Variants in NALCN observed in about 807,000 individuals in gnomAD.
The protein encoded by NALCN is sodium leak channel, non-selective.
Under a neutral mutation model 225.3 loss-of-function variants are expected in NALCN, and 111 were observed. The observed-to-expected ratio is 0.49, with a 90% CI of 0.42 to 0.58. NALCN has a LOEUF of 0.58. Ranked by LOEUF, NALCN falls within the 20% of genes least tolerant of loss-of-function variation. The pLI is 0.00. For missense variants in NALCN, 1,378 were observed against 2,202.4 expected (o/e 0.63, Z 7.49); for synonymous variants, 764 against 769.0 (o/e 0.99, Z 0.11).
intron 25 of NALCN, 92 bp from the exon 26 acceptor site, chr13:101,103,431 A>C (rs1192150221): frequency 4.2e-6 from 6 of 1,424,242 alleles, no homozygotes; most frequent in Non-Finnish European, 5.7e-6. Context: ...CTTTTCATTT[A>C]GCAGAGATTC....
At chr13:101,244,663 A>G (rs1233083199) in intron 11 of NALCN, among the ~76,000 whole-genome samples, 1 of 152,218 alleles carries the variant, frequency 6.6e-6, no homozygotes, top group East Asian at 1.9e-4. Flanking sequence ...ACTTAACTTG[A>G]AGGTATGGGT....
At chr13:101,405,282 A>G (rs1038778724) in intron 1 of NALCN, among the ~76,000 whole-genome samples, 2 of 152,242 alleles carry the variant, frequency 1.3e-5, no homozygotes, top group Non-Finnish European at 2.9e-5. Flanking sequence ...CTTCTCAGAC[A>G]GAAGACATGT....
chr13:101,322,735 C>T (rs1326161236), intron 7 of NALCN, among the ~76,000 whole-genome samples: 1 of 151,898 alleles, frequency 6.6e-6, no homozygotes, highest in Non-Finnish European at 1.5e-5. Context: ...TTTTTTGAGA[C>T]AGAGTCTCAC....
At chr13:101,295,665 A>C (rs926097560) in intron 7 of NALCN, among the ~76,000 whole-genome samples, 1 of 152,188 alleles carries the variant, frequency 6.6e-6, no homozygotes. Flanking sequence ...TGACACAAAG[A>C]GGTGAGACAT....
At chr13:101,139,753 G>A (rs2036976423) in intron 17 of NALCN, among the ~76,000 whole-genome samples, 1 of 152,132 alleles carries the variant, frequency 6.6e-6, no homozygotes, top group African/African-American at 2.4e-5. Context: ...GGTCTGTGAC[G>A]GGGATTTTTG....
intron 26 of NALCN, among the ~76,000 whole-genome samples, chr13:101,102,228 A>G (rs2034857090): frequency 6.6e-6 from 1 of 152,030 alleles, no homozygotes; most frequent in South Asian, 2.1e-4. Context: ...AGTTGCAGTG[A>G]GCTGAGATTG....
intron 7 of NALCN, among the ~76,000 whole-genome samples, chr13:101,304,187 C>T (rs1566553454): frequency 1.3e-5 from 2 of 151,802 alleles, no homozygotes; most frequent in Non-Finnish European, 2.9e-5. Flanking sequence ...AGTTTTTGTA[C>T]TTTAATTTTA....
rs1459406033 is a variant in NALCN at position 101,395,313 on chromosome 13, C to G, written c.161G>C (p.Cys54Ser). 1.9e-6 allele frequency: 3 copies of G among 1,614,038 alleles called. No homozygotes were observed. The Admixed American group carries it at 5.0e-5, about 27-fold the overall frequency. The change falls in exon 3 of 44, where the codon TGT becomes TCT. Residue 54 changes from cysteine to serine, a missense_variant. By Grantham distance (112) the Cys-to-Ser change is moderately radical. Coordinates refer to ENST00000251127, the MANE Select transcript of NALCN (RefSeq NM_052867.4). ...ICAIISVISV[C>S]MNTPMTFEHY... ...CTCGAAGGTCATTGGCGTATTCATA[C>G]AAACAGAAATGACGCTGATGATGGC...
chr13:101,119,095 G>C (rs2035850626), intron 18 of NALCN, among the ~76,000 whole-genome samples: 1 of 152,144 alleles, frequency 6.6e-6, no homozygotes, highest in Admixed American at 6.5e-5. Context: ...ACACTACAGA[G>C]ATATTTCTCG....
At chr13:101,094,128 C>T (rs1247990737) in intron 28 of NALCN, among the ~76,000 whole-genome samples, 5 of 152,334 alleles carry the variant, frequency 3.3e-5, no homozygotes, top group Admixed American at 1.3e-4. Flanking sequence ...AACACACCTA[C>T]GGACCCTTTG....
chr13:101,113,165 C>T (rs769358539), intron 18 of NALCN, among the ~76,000 whole-genome samples: 11 of 152,098 alleles, frequency 7.2e-5, no homozygotes, highest in Non-Finnish European at 1.2e-4. Flanking sequence ...ATATGTCTAA[C>T]GAGAACATTC....
chr13:101,199,886 G>C (rs978651814), intron 13 of NALCN, among the ~76,000 whole-genome samples: 2 of 152,080 alleles, frequency 1.3e-5, no homozygotes, highest in Non-Finnish European at 2.9e-5. Context: ...GTCACCAAAA[G>C]AGCCAGAGCA....
chr13:101,086,160 C>T (rs967237995), intron 30 of NALCN, among the ~76,000 whole-genome samples: 1 of 151,978 alleles, frequency 6.6e-6, no homozygotes, highest in East Asian at 1.9e-4. Flanking sequence ...AGAAGCTATA[C>T]AAGTTTCCTT....
chr13:101,173,394 C>T (rs530512732), intron 15 of NALCN, among the ~76,000 whole-genome samples: 2 of 152,180 alleles, frequency 1.3e-5, no homozygotes, highest in South Asian at 2.1e-4. Flanking sequence ...TGTGGGCTTT[C>T]GGTCCAAATT....
chr13:101,072,890 G>C (rs957139825), intron 37 of NALCN, among the ~76,000 whole-genome samples: 2 of 152,152 alleles, frequency 1.3e-5, no homozygotes, highest in Non-Finnish European at 2.9e-5. Context: ...AGTGGCTCCC[G>C]AATTGGACAG....
At chr13:101,234,764 C>CA (rs1224582708) in intron 12 of NALCN, among the ~76,000 whole-genome samples, 1 of 152,050 alleles carries the variant, frequency 6.6e-6, no homozygotes, top group Non-Finnish European at 1.5e-5. Flanking sequence ...CAGAATAATC[C>CA]AAAATCAAAG....
chr13:101,130,923 G>A (rs904943358), intron 17 of NALCN, among the ~76,000 whole-genome samples: 4 of 152,074 alleles, frequency 2.6e-5, no homozygotes, highest in Admixed American at 2.6e-4. Flanking sequence ...TTCTCTTGCT[G>A]TGGTTTTTCT....
chr13:101,341,201 C>T (rs1368108865), intron 7 of NALCN, among the ~76,000 whole-genome samples: 4 of 152,142 alleles, frequency 2.6e-5, no homozygotes, highest in Non-Finnish European at 5.9e-5. Context: ...ATACTAGAGA[C>T]TAGCTCATGA....
At chr13:101,375,029 A>C (rs1338565224) in intron 6 of NALCN, among the ~76,000 whole-genome samples, 3 of 152,352 alleles carry the variant, frequency 2.0e-5, no homozygotes, top group African/African-American at 7.2e-5. Context: ...CAGTAAAATA[A>C]CATAGCCATG....
Sources: gnomAD v4.1 joint callset for allele counts (sites outside exome capture counted in the v4.1 genomes callset) on GRCh38, gnomAD v4.1.1 for gene constraint, MANE v1.5 for transcripts, NCBI Gene and HGNC (gene_info 2026-07-23, HGNC 2026-07-21) for gene names.